The following PDCD4 variants were observed in gnomAD, a reference collection of about 807,000 sequenced individuals.
PDCD4 encodes programmed cell death 4.
A neutral mutation model predicts 54.0 loss-of-function variants in PDCD4; 56 were observed. The observed-to-expected ratio is 1.04, with a 90% confidence interval of 0.84 to 1.30. The LOEUF (loss-of-function observed/expected upper bound fraction) is 1.30. PDCD4 is among the 50% of genes most tolerant of loss of function. The probability of loss-of-function intolerance (pLI) is 0.00; values close to 1 mark genes in which losing one functional copy is unlikely to be tolerated. For synonymous variants in PDCD4, 186 were observed against 194.8 expected (o/e 0.95, Z 0.37); for missense variants, 584 against 559.8 (o/e 1.04, Z -0.44).
chr10:110,896,306 G>A (rs979268437), intron 11 of PDCD4, among the ~76,000 whole-genome samples: 4 of 152,140 alleles, frequency 2.6e-5, no homozygotes, highest in African/African-American at 7.2e-5. Context: ...CTAATCTTGT[G>A]GAGCAGGTCC....
chr10:110,879,340 A>G (rs1191680217), intron 2 of PDCD4, among the ~76,000 whole-genome samples: 1 of 152,172 alleles, frequency 6.6e-6, no homozygotes, highest in Non-Finnish European at 1.5e-5. Context: ...AGCAGGGGCA[A>G]GATCATAAAG....
intron 3 of PDCD4, 70 bp from the exon 4 acceptor site, chr10:110,882,933 C>T (rs1214654862): frequency 4.1e-6 from 4 of 969,832 alleles, no homozygotes; most frequent in Middle Eastern, 2.5e-4. Context: ...AACATCGGAA[C>T]ATTTTATTTT....
Position 110,898,108 on chromosome 10 carries a change from C to A in PDCD4, c.*20C>A. 21 of 1,268,286 alleles carry A rather than the reference C, an allele frequency of 1.7e-5. No homozygotes were observed. Among genetic ancestry groups the A allele is most frequent in the Non-Finnish European group, 2.0e-5 (19 of 929,370 alleles). 78.6% of individuals were successfully genotyped at this position (1,268,286 alleles called of 1,614,324 possible). Reference sequence around the variant, plus strand: ...TACTGAATATAAGAACTCTTGCAGTCTTAGATGTTATAAAAATATATATCT... The same window carrying A: ...TACTGAATATAAGAACTCTTGCAGTATTAGATGTTATAAAAATATATATCT... On this transcript the variant is annotated 3_prime_UTR_variant, in exon 12 of 12. Transcript: ENST00000280154.
intron 2 of PDCD4, among the ~76,000 whole-genome samples, chr10:110,877,722 C>T (rs962349537): frequency 6.6e-6 from 1 of 152,072 alleles, no homozygotes; most frequent in Non-Finnish European, 1.5e-5. Flanking sequence ...TTTGAATAGG[C>T]CTAAGATAGA....
intron 4 of PDCD4, among the ~76,000 whole-genome samples, chr10:110,883,415 T>C (rs1277216218): frequency 6.6e-6 from 1 of 152,210 alleles, no homozygotes; most frequent in African/African-American, 2.4e-5. Context: ...TAGATTCCTT[T>C]TAAATATTAC....
At chr10:110,896,667 T>G (rs933531741) in intron 11 of PDCD4, among the ~76,000 whole-genome samples, 8 of 152,136 alleles carry the variant, frequency 5.3e-5, no homozygotes, top group Non-Finnish European at 7.4e-5. Flanking sequence ...GGTAAGTTTT[T>G]TTGTTGTTGT....
intron 8 of PDCD4, among the ~76,000 whole-genome samples, chr10:110,891,297 C>T (rs1353456453): frequency 1.3e-5 from 2 of 150,492 alleles, no homozygotes; most frequent in Admixed American, 6.7e-5. Flanking sequence ...ATCCCAGCTA[C>T]TCGGGAGGCT....
At position 110,887,770 on chromosome 10, in the gene PDCD4, A is replaced by G; in HGVS notation, c.661A>G (p.Lys221Glu). 6.2e-7 allele frequency: 1 copy of G among 1,613,106 alleles called. No individual in the cohort carries two copies. Among genetic ancestry groups the G allele is most frequent in the Non-Finnish European group, 8.5e-7 (1 of 1,179,080 alleles). The change falls in exon 6 of 12, where the codon AAG (lysine) becomes GAG (glutamate). Residue 221 changes from lysine to glutamate, a missense_variant. By Grantham distance (56) the Lys-to-Glu change is moderately conservative. Coordinates refer to ENST00000280154, the MANE Select transcript of PDCD4 (RefSeq NM_014456.5). ...GGCTAGTCATAGAGAGATGACATCTAAGCTTCTTTCTGACCTTTGTGGGAC... is the reference window on the plus strand; with the variant it reads ...GGCTAGTCATAGAGAGATGACATCTGAGCTTCTTTCTGACCTTTGTGGGAC... Reference protein sequence around the residue: ...GKASHREMTSKLLSDLCGTVM... With the variant: ...GKASHREMTSELLSDLCGTVM...
intron 1 of PDCD4, among the ~76,000 whole-genome samples, chr10:110,874,027 T>G (rs2135184651): frequency 6.6e-6 from 1 of 152,338 alleles, no homozygotes; most frequent in South Asian, 2.1e-4. Context: ...AGAATCTTCC[T>G]GTGGGATATT....
intron 2 of PDCD4, among the ~76,000 whole-genome samples, chr10:110,879,652 CA>C (rs527490449): frequency 0.029 from 2,426 of 84,306 alleles, 35 homozygotes; most frequent in African/African-American, 0.077. Context: ...CACGCTGTCT[CA>C]AAAAAAAAAA....
chr10:110,876,067 G>A lies in PDCD4; in HGVS notation c.40G>A (p.Ala14Thr), dbSNP rs1211587984. ...ENEQILNVNP[A>T]DPDNLSDSLF... Reference sequence around the variant, plus strand: ...TGAGCAGATACTGAATGTAAACCCTGCAGGTAAGTAAGGATATCCTTTTTT... The same window carrying A: ...TGAGCAGATACTGAATGTAAACCCTACAGGTAAGTAAGGATATCCTTTTTT... Residue 14 changes from alanine (A) to threonine (T), a missense_variant, in exon 2 of 12, where the codon GCA becomes ACA. Ala to Thr is a moderately conservative substitution (Grantham distance 58, BLOSUM62 0). Transcript: ENST00000280154. 2 of 1,608,546 alleles carry A rather than the reference G, an allele frequency of 1.2e-6. No homozygotes were observed. Among genetic ancestry groups the A allele is most frequent in the South Asian group, 2.2e-5 (2 of 90,690 alleles).
chr10:110,878,441 T>C (rs1333813661), intron 2 of PDCD4, among the ~76,000 whole-genome samples: 1 of 152,214 alleles, frequency 6.6e-6, no homozygotes, highest in Non-Finnish European at 1.5e-5. Context: ...GGACCAGTTT[T>C]GTGGTTCACC....
At chr10:110,880,846 C>G (rs1845579490) in intron 2 of PDCD4, among the ~76,000 whole-genome samples, 1 of 152,162 alleles carries the variant, frequency 6.6e-6, no homozygotes, top group Non-Finnish European at 1.5e-5. Context: ...TCTCAAGATG[C>G]TTTGTCTTTT....
chr10:110,889,058 CG>C (rs1375400971), intron 6 of PDCD4, among the ~76,000 whole-genome samples: 1 of 151,692 alleles, frequency 6.6e-6, no homozygotes, highest in Non-Finnish European at 1.5e-5. Flanking sequence ...GGTGACACCC[CG>C]TCTCTACTAG....
chr10:110,875,284 G>T (rs998830642), intron 1 of PDCD4, among the ~76,000 whole-genome samples: 1 of 151,950 alleles, frequency 6.6e-6, no homozygotes, highest in Non-Finnish European at 1.5e-5. Context: ...TTATGTCGTT[G>T]TACTTACTCC....
chr10:110,894,530 T>C lies in PDCD4; in HGVS notation c.1209+8T>C, dbSNP rs771729882. ...GTAGACCAAATGAAAAGAGTAAGTA[T>C]AACATTGTTTTTGAACAACTTGTAG... On this transcript the variant is annotated splice_region_variant and intron_variant, in intron 10 of 11. Transcript: ENST00000280154. 2.6e-6 allele frequency: 3 copies of C among 1,164,010 alleles called. No individual in the cohort carries two copies. The highest frequency in any genetic ancestry group is 1.8e-5 in the Admixed American group (1 of 54,572). 72.1% of individuals were successfully genotyped at this position (1,164,010 alleles called of 1,614,324 possible). A position where few individuals can be genotyped will look rare whatever the true frequency, so the allele number is the denominator to read the frequency against.
At chr10:110,891,746 A>G (rs1033292545) in intron 8 of PDCD4, among the ~76,000 whole-genome samples, 1 of 152,148 alleles carries the variant, frequency 6.6e-6, no homozygotes, top group African/African-American at 2.4e-5. Flanking sequence ...TTGCTTTTAT[A>G]TATGTTAAAA....
chr10:110,882,621 A>G lies in PDCD4; in HGVS notation c.347-382A>G, dbSNP rs145861346. 6.0e-3 allele frequency among the ~76,000 whole-genome samples: 908 copies of G among 152,218 alleles called. 10 individuals carry two copies. The highest frequency in any genetic ancestry group is 0.021 in the African/African-American group (859 of 41,542). ...TAATTTTTCCCTTGTTGAGTTTTCT[A>G]TGCTAAGCTTTACCGGCCCAGAATG... On this transcript the variant is annotated intron_variant, in intron 3 of 11. Transcript: ENST00000280154.
intron 11 of PDCD4, among the ~76,000 whole-genome samples, chr10:110,896,469 A>G (rs899566937): frequency 2.0e-5 from 3 of 152,166 alleles, no homozygotes; most frequent in South Asian, 4.1e-4. Flanking sequence ...TCTGGCTTCA[A>G]AGATCTAGGC....
Sources: gnomAD v4.1 joint callset for allele counts (sites outside exome capture counted in the v4.1 genomes callset) on GRCh38, gnomAD v4.1.1 for gene constraint, MANE v1.5 for transcripts, NCBI Gene and HGNC (gene_info 2026-07-23, HGNC 2026-07-21) for gene names.